LIMCH1: variants seen among roughly 807,000 people sequenced by gnomAD.
LIMCH1 encodes LIM and calponin homology domains 1.
In LIMCH1, 113 loss-of-function variants were observed where a neutral mutation model predicts 176.5. That is an observed-to-expected ratio of 0.64 (90% CI 0.55 to 0.75). The LOEUF is 0.75. Among genes scored for constraint, LIMCH1 ranks in the 30% least tolerant of loss-of-function variants. LIMCH1 has a pLI of 0.00. For synonymous variants in LIMCH1, 619 were observed against 645.9 expected (o/e 0.96, Z 0.63); for missense variants, 1,674 against 1,814.9 (o/e 0.92, Z 1.41).
intron 26 of LIMCH1, among the ~76,000 whole-genome samples, 185 bp downstream of exon 26, chr4:41,682,645 A>C (rs1716955755): frequency 6.6e-6 from 1 of 151,992 alleles, no homozygotes; most frequent in Non-Finnish European, 1.5e-5. Flanking sequence ...TTATCTTTTG[A>C]ATATAAATAG....
intron 1 of LIMCH1, among the ~76,000 whole-genome samples, chr4:41,581,280 T>G (rs187226869): frequency 6.6e-6 from 1 of 152,314 alleles, no homozygotes; most frequent in Admixed American, 6.5e-5. Context: ...CTGAGCTAAT[T>G]AACACATCCA....
At chr4:41,562,336 C>T (rs544638814) in intron 1 of LIMCH1, among the ~76,000 whole-genome samples, 2 of 152,220 alleles carry the variant, frequency 1.3e-5, no homozygotes, top group African/African-American at 2.4e-5. Context: ...ATGAGTCAGG[C>T]TTTCTGAGTG....
intron 4 of LIMCH1, among the ~76,000 whole-genome samples, chr4:41,611,673 C>T (rs2091433480): frequency 6.6e-6 from 1 of 152,160 alleles, no homozygotes; most frequent in Admixed American, 6.5e-5. Flanking sequence ...TAATGCTAAC[C>T]ATGTTTTAGG....
chr4:41,547,711 T>C (rs2079691624), intron 1 of LIMCH1, among the ~76,000 whole-genome samples: 1 of 144,442 alleles, frequency 6.9e-6, no homozygotes, highest in African/African-American at 2.6e-5. Flanking sequence ...TATAATAGTA[T>C]ACACATATAT....
chr4:41,575,317 T>C (rs1415430256), intron 1 of LIMCH1, among the ~76,000 whole-genome samples: 3 of 152,352 alleles, frequency 2.0e-5, no homozygotes, highest in Middle Eastern at 3.4e-3. Flanking sequence ...AATATCTGCC[T>C]CACCGCAAAT....
intron 1 of LIMCH1, among the ~76,000 whole-genome samples, chr4:41,472,054 C>T (rs958238685): frequency 3.9e-5 from 6 of 152,212 alleles, no homozygotes; most frequent in African/African-American, 1.4e-4. Context: ...AGATTCTGCA[C>T]AGGGCAAGCA....
At chr4:41,613,719 A>C in intron 5 of LIMCH1, 58 bp downstream of exon 5, 1 of 1,464,608 alleles carries the variant, frequency 6.8e-7, no homozygotes. Context: ...CAGGGGCTGC[A>C]TTGCGCCTGG....
intron 1 of LIMCH1, among the ~76,000 whole-genome samples, chr4:41,576,696 CT>C (rs771017734): frequency 6.6e-6 from 1 of 152,044 alleles, no homozygotes; most frequent in South Asian, 2.1e-4. Flanking sequence ...TCAAAAGTAT[CT>C]TGATTTGGCC....
At chr4:41,414,575 T>C (rs2059763666) in intron 1 of LIMCH1, among the ~76,000 whole-genome samples, 1 of 152,180 alleles carries the variant, frequency 6.6e-6, no homozygotes, top group South Asian at 2.1e-4. Flanking sequence ...ACATTTTTGT[T>C]ATGACCGTAA....
chr4:41,644,543 G>T lies in LIMCH1; in HGVS notation c.2170G>T (p.Val724Leu), dbSNP rs1217958580. Residue 724 changes from valine to leucine, a missense_variant, in exon 15 of 32, where the codon GTG becomes TTG. Around this residue, in one of 3 missense-constraint regions of LIMCH1, gnomAD observed 1,015 missense variants for 1,102.5 expected, o/e 0.92. Coordinates refer to ENST00000503057, the MANE Select transcript of LIMCH1 (RefSeq NM_001330672.2). Reference sequence around the variant, plus strand: ...CATGCGGTGTGAGGAGGAGGCCGCGGTGCAGCCGCACAGCAGGGCCCGCCA... The same window carrying T: ...CATGCGGTGTGAGGAGGAGGCCGCGTTGCAGCCGCACAGCAGGGCCCGCCA... ...FDMRCEEEAA[V>L]QPHSRARQEQ... 6.2e-7 allele frequency: 1 copy of T among 1,600,736 alleles called. No homozygotes were observed. Among genetic ancestry groups the T allele is most frequent in the Non-Finnish European group, 8.5e-7 (1 of 1,173,880 alleles).
At chr4:41,452,937 G>A (rs1045981152) in intron 1 of LIMCH1, among the ~76,000 whole-genome samples, 8 of 152,182 alleles carry the variant, frequency 5.3e-5, no homozygotes, top group Admixed American at 1.3e-4. Flanking sequence ...CCACGGTACC[G>A]GTGCCATGTA....
At chr4:41,448,527 A>T (rs547309152) in intron 1 of LIMCH1, among the ~76,000 whole-genome samples, 3 of 147,624 alleles carry the variant, frequency 2.0e-5, no homozygotes, top group Non-Finnish European at 4.4e-5. Flanking sequence ...AGGAAGCACA[A>T]TTCATTAATT....
chr4:41,457,663 G>A (rs1389985990), intron 1 of LIMCH1, among the ~76,000 whole-genome samples: 1 of 152,170 alleles, frequency 6.6e-6, no homozygotes, highest in Admixed American at 6.5e-5. Flanking sequence ...TTTGGCTCTG[G>A]AGGCCACATC....
At chr4:41,566,108 C>T (rs1051229968) in intron 1 of LIMCH1, among the ~76,000 whole-genome samples, 2 of 152,176 alleles carry the variant, frequency 1.3e-5, no homozygotes, top group Non-Finnish European at 2.9e-5. Flanking sequence ...AGTAGGCATC[C>T]CTAGTGGTGA....
At chr4:41,618,438 G>A (rs1161286944) in intron 5 of LIMCH1, among the ~76,000 whole-genome samples, 2 of 152,180 alleles carry the variant, frequency 1.3e-5, no homozygotes, top group Admixed American at 1.3e-4. Context: ...ATCTAAGGAT[G>A]CCCACTGTGT....
At chr4:41,372,959 T>C (rs1023019169) in intron 1 of LIMCH1, among the ~76,000 whole-genome samples, 4 of 152,210 alleles carry the variant, frequency 2.6e-5, no homozygotes, top group Non-Finnish European at 5.9e-5. Context: ...GCAATTTGTC[T>C]CCGTTTGGGA....
At chr4:41,618,000 A>G (rs2092270551) in intron 5 of LIMCH1, among the ~76,000 whole-genome samples, 1 of 152,234 alleles carries the variant, frequency 6.6e-6, no homozygotes, top group African/African-American at 2.4e-5. Context: ...GGCTTAAAGT[A>G]CTGATGTAAC....
chr4:41,538,283 G>A lies in LIMCH1; in HGVS notation c.-308G>A, dbSNP rs937398956. Reference sequence around the variant, plus strand: ...TGGGGCTGACGAGGAGCACACAGGAGAGATGCCCCTCCCATCTCCCAGAGT... The same window carrying A: ...TGGGGCTGACGAGGAGCACACAGGAAAGATGCCCCTCCCATCTCCCAGAGT... On this transcript the variant is annotated 5_prime_UTR_variant, in exon 1 of 32. Coordinates refer to ENST00000503057, the MANE Select transcript of LIMCH1 (RefSeq NM_001330672.2). 3.9e-5 allele frequency: 38 copies of A among 985,332 alleles called. No individual in the cohort carries two copies. The highest frequency in any genetic ancestry group is 1.4e-4 in the South Asian group (3 of 21,290). The allele number at this position is 985,332 out of a possible 1,614,324, so 61.0% of individuals were successfully genotyped here.
At chr4:41,549,168 G>T (rs1371567932) in intron 1 of LIMCH1, among the ~76,000 whole-genome samples, 1 of 152,014 alleles carries the variant, frequency 6.6e-6, no homozygotes, top group Non-Finnish European at 1.5e-5. Flanking sequence ...GGGATTACAG[G>T]CATACGGGCC....
Sources: allele counts gnomAD v4.1 joint callset (sites outside exome capture counted in the v4.1 genomes callset), GRCh38; gene constraint gnomAD v4.1.1; regional missense constraint gnomAD v4.1.1; transcripts MANE v1.5; gene names NCBI Gene and HGNC (gene_info 2026-07-23, HGNC 2026-07-21).